LRP2: variants seen among roughly 807,000 people sequenced by gnomAD.
The protein encoded by LRP2 is LDL receptor related protein 2.
A neutral mutation model predicts 531.0 loss-of-function variants in LRP2; 172 were observed. The ratio of observed to expected loss-of-function variants is 0.32; its 90% CI spans 0.29 to 0.37. LRP2 has a LOEUF of 0.37. Among genes scored for constraint, LRP2 ranks in the 10% least tolerant of loss-of-function variants. The pLI is 1.00. For missense variants in LRP2, 5,167 were observed against 5,868.3 expected (o/e 0.88, Z 3.90); for synonymous variants, 1,992 against 2,027.6 (o/e 0.98, Z 0.47).
chr2:169,190,523 CGCCTGTTGATGAGCT>C (rs567212579), intron 48 of LRP2, among the ~76,000 whole-genome samples: 90 of 152,314 alleles, frequency 5.9e-4, no homozygotes, highest in African/African-American at 2.0e-3. Flanking sequence ...GGTACATTAG[CGCCTGTTGATGAGCT>C]GCCTGCCCCT....
chr2:169,139,223 C>T (rs749811314), intron 74 of LRP2, 28 bp downstream of exon 74: 7 of 1,614,050 alleles, frequency 4.3e-6, no homozygotes, highest in Non-Finnish European at 5.1e-6. Context: ...AGGCTTCAAA[C>T]ATCAACGTTC....
Position 169,204,010 on chromosome 2 carries a change from A to G in LRP2, c.7977T>C (p.Asn2659=). 12 of 1,614,038 alleles carry G rather than the reference A, an allele frequency of 7.4e-6. No individual in the cohort carries two copies. The highest frequency in any genetic ancestry group is 9.3e-6 in the Non-Finnish European group (11 of 1,180,004). The part of the protein sequence containing the change: ...QQCNNPCEQF[N]GGCSHICAPG... ...GTGCACAGATATGGCTGCAGCCCCC[A>G]TTAAACTGTTCACAAGGATTGTTAC... The change falls in exon 42 of 79, where the codon AAT becomes AAC. Residue 2659 remains asparagine, a synonymous_variant. Transcript: ENST00000649046.
At chr2:169,168,699 A>T in intron 60 of LRP2, 23 bp from the exon 61 acceptor site, 1 of 1,613,712 alleles carries the variant, frequency 6.2e-7, no homozygotes. Flanking sequence ...AAAAAAACAT[A>T]TTCAAATTAT....
intron 48 of LRP2, among the ~76,000 whole-genome samples, chr2:169,188,482 T>G (rs1687714826): frequency 6.6e-6 from 1 of 152,128 alleles, no homozygotes; most frequent in South Asian, 2.1e-4. Context: ...TCCACACAAC[T>G]TCCTCAGGGG....
At position 169,142,857 on chromosome 2, in the gene LRP2, C is replaced by A. The variant is rs554674913; in HGVS notation, c.12989-64G>T. 21 of 1,597,728 alleles carry A rather than the reference C, an allele frequency of 1.3e-5. No individual in the cohort carries two copies. The East Asian group carries it at 4.5e-4, about 34-fold the overall frequency. ...AATGAATAACCTGAATACCCAGCAA[C>A]TGGAAGTGGCTCTGCCAGGTGACAG... On this transcript the variant is annotated intron_variant, in intron 70 of 78. Transcript: ENST00000649046.
At chr2:169,262,181 G>T (rs1278352574) in intron 16 of LRP2, among the ~76,000 whole-genome samples, 2 of 148,022 alleles carry the variant, frequency 1.4e-5, no homozygotes, top group Admixed American at 1.3e-4. Context: ...TTGAAAACTG[G>T]CACAAGACAG....
chr2:169,156,189 A>C, intron 65 of LRP2, 85 bp downstream of exon 65: 2 of 1,559,526 alleles, frequency 1.3e-6, no homozygotes, highest in Non-Finnish European at 1.8e-6. Context: ...AACTATGAGA[A>C]GCTGAAGTTT....
Position 169,275,156 on chromosome 2 carries a change from A to G in LRP2, c.1855T>C (p.Trp619Arg), listed in dbSNP as rs1300761215. The G allele has an allele frequency of 1.2e-6, 2 of 1,613,848 alleles. No homozygotes were observed. Among genetic ancestry groups the G allele is most frequent in the Middle Eastern group, 1.7e-4 (1 of 6,060 alleles). Residue 619 changes from tryptophan (W) to arginine (R), a missense_variant, in exon 14 of 79, where the codon TGG (tryptophan) becomes CGG (arginine). Around this residue, in one of 6 missense-constraint regions of LRP2, gnomAD observed 2,811 missense variants for 3,058.0 expected, o/e 0.92. Transcript: ENST00000649046. ...LFEGQVFFTDWTKMAVLKANK... is the reference protein window; with the variant it reads ...LFEGQVFFTDRTKMAVLKANK... ...GCCTTCAGCACGGCCATCTTTGTCC[A>G]ATCTGTAAAGAACACCTGACCTTCA...
At chr2:169,240,379 T>A (rs550732030) in intron 25 of LRP2, among the ~76,000 whole-genome samples, 1 of 152,324 alleles carries the variant, frequency 6.6e-6, no homozygotes, top group South Asian at 2.1e-4. Flanking sequence ...TACTCTAACA[T>A]ATTTGTAAGA....
chr2:169,292,228 A>G (rs746957871), intron 7 of LRP2, 25 bp downstream of exon 7: 7 of 1,487,758 alleles, frequency 4.7e-6, no homozygotes, highest in South Asian at 1.1e-5. Context: ...AATGCTTTTC[A>G]GTAGGAATCT....
intron 1 of LRP2, among the ~76,000 whole-genome samples, chr2:169,361,350 GTCTCTC>G (rs1216824209): frequency 4.6e-5 from 1 of 21,964 alleles, no homozygotes; most frequent in East Asian, 8.1e-4. Context: ...GTCTCTCTCT[GTCTCTC>G]TCTCTCTCTC....
chr2:169,193,501 T>C (rs915677042), intron 47 of LRP2, among the ~76,000 whole-genome samples: 12 of 150,616 alleles, frequency 8.0e-5, no homozygotes, highest in Non-Finnish European at 1.5e-4. Context: ...GTTTTTTTTT[T>C]CCCCTAGAAA....
At chr2:169,199,196 G>C (rs1688104392) in intron 44 of LRP2, among the ~76,000 whole-genome samples, 1 of 152,082 alleles carries the variant, frequency 6.6e-6, no homozygotes, top group Non-Finnish European at 1.5e-5. Context: ...TCCAACTCTT[G>C]GTAAAATAAA....
rs758364082 is a variant in LRP2 at position 169,185,514 on chromosome 2, G to A, written c.9834C>T (p.Asp3278=). The part of the protein sequence containing the change: ...RLPAAESLAV[D]WVSRKLYWLD... ...CAGTGTTTTCTTACCTGGAAACCCA[G>A]TCTACAGCCAGACTTTCTGCAGCTG... Residue 3278 remains aspartate, a synonymous_variant, in exon 50 of 79, where the codon GAC becomes GAT. Coordinates refer to ENST00000649046, the MANE Select transcript of LRP2 (RefSeq NM_004525.3). The A allele has an allele frequency of 3.8e-5, 62 of 1,613,338 alleles. 1 individual carries two copies. The Middle Eastern group carries it at 8.2e-4, about 21-fold the overall frequency.
rs147798052 is a variant in LRP2, at chr2:169,178,905, A to C, written c.10170-879T>G. ...AATATAATTTATGGTAACTTATAAA[A>C]GTCATAGGAAAACTTGAAGATGTGC... On this transcript the variant is annotated intron_variant, in intron 52 of 78. Coordinates refer to ENST00000649046, the MANE Select transcript of LRP2 (RefSeq NM_004525.3). Among the ~76,000 whole-genome samples the C allele has an allele frequency of 5.7e-3, 874 of 152,314 alleles. 7 individuals are homozygous for C. Among genetic ancestry groups the C allele is most frequent in the African/African-American group, 0.02 (835 of 41,570 alleles).
At chr2:169,346,858 TC>T (rs1258435115) in intron 1 of LRP2, among the ~76,000 whole-genome samples, 5 of 152,200 alleles carry the variant, frequency 3.3e-5, no homozygotes, top group Admixed American at 3.3e-4. Flanking sequence ...CGACAACTTT[TC>T]CTTTTGTTGT....
chr2:169,328,461 AAAAG>A (rs1553515058), intron 1 of LRP2, among the ~76,000 whole-genome samples: 1 of 147,138 alleles, frequency 6.8e-6, no homozygotes, highest in African/African-American at 2.5e-5. Flanking sequence ...AAAAAAAAAA[AAAAG>A]AAAAAAAAAG....
In LRP2 at chr2:169,243,092, G is replaced by C. The variant is rs756347758; in HGVS notation, c.3551-20C>G. 2 of 1,567,696 alleles carry C rather than the reference G, an allele frequency of 1.3e-6. No individual in the cohort carries two copies. The highest frequency in any genetic ancestry group is 1.7e-5 in the Admixed American group (1 of 59,940). On this transcript the variant is annotated intron_variant, in intron 23 of 78. Coordinates refer to ENST00000649046, the MANE Select transcript of LRP2 (RefSeq NM_004525.3). ...TTAATACTAAGAATGAAAGAGAAAA[G>C]CATTAGAAATTAGCTCAGGGCTAAA...
At chr2:169,286,828 G>A (rs1683871632) in intron 9 of LRP2, among the ~76,000 whole-genome samples, 1 of 152,208 alleles carries the variant, frequency 6.6e-6, no homozygotes, top group Non-Finnish European at 1.5e-5. Flanking sequence ...CTCTTTGGGA[G>A]TTGATAAAGG....
Sources: allele counts gnomAD v4.1 joint callset (sites outside exome capture counted in the v4.1 genomes callset), GRCh38; gene constraint gnomAD v4.1.1; regional missense constraint gnomAD v4.1.1; transcripts MANE v1.5; gene names NCBI Gene and HGNC (gene_info 2026-07-23, HGNC 2026-07-21).